FKBP15: variants seen among roughly 807,000 people sequenced by gnomAD.
The protein encoded by FKBP15 is FK506-binding protein 15.
Under a neutral mutation model 158.1 loss-of-function variants are expected in FKBP15, and 106 were observed. The observed-to-expected ratio is 0.67, with a 90% CI of 0.57 to 0.79. The LOEUF is 0.79. FKBP15 is among the 30% of genes least tolerant of loss of function. The pLI, the probability that FKBP15 is intolerant of heterozygous loss-of-function variation, is 0.00. For synonymous variants in FKBP15, 547 were observed against 548.6 expected (o/e 1.00, Z 0.04); for missense variants, 1,287 against 1,479.1 (o/e 0.87, Z 2.13).
At chr9:113,215,798 C>T (rs1052478202) in intron 1 of FKBP15, among the ~76,000 whole-genome samples, 5 of 150,906 alleles carry the variant, frequency 3.3e-5, no homozygotes, top group African/African-American at 9.8e-5. Context: ...TACAGGCGTG[C>T]ATCACCATGC....
chr9:113,213,796 A>C (rs1831065062), intron 1 of FKBP15, among the ~76,000 whole-genome samples: 1 of 152,170 alleles, frequency 6.6e-6, no homozygotes, highest in Admixed American at 6.5e-5. Context: ...AACTGTAAAA[A>C]ATAAATTCCT....
In FKBP15 at chr9:113,190,850, C is replaced by G. The variant is rs1330855288; in HGVS notation, c.1066-272G>C. The stretch of plus-strand genomic sequence containing the variant: ...ATTTCAATCAAGTCTCCCCAGCAGG[C>G]ATAATTAGTCTCATTTTACAGATGA... On this transcript the variant is annotated intron_variant, in intron 11 of 27. Coordinates refer to ENST00000238256, the MANE Select transcript of FKBP15 (RefSeq NM_015258.2). Among the ~76,000 whole-genome samples the G allele has an allele frequency of 2.6e-5, 4 of 152,306 alleles. No individual in the cohort carries two copies. In the South Asian group the frequency reaches 8.3e-4, roughly 32 times the overall value.
Position 113,171,711 on chromosome 9 carries a change from A to G in FKBP15, c.2533-5T>C. 6.4e-7 allele frequency: 1 copy of G among 1,572,010 alleles called. No homozygotes were observed. The highest frequency in any genetic ancestry group is 1.2e-5 in the South Asian group (1 of 85,536). On this transcript the variant is annotated splice_polypyrimidine_tract_variant and splice_region_variant and intron_variant, in intron 23 of 27. Coordinates refer to ENST00000238256, the MANE Select transcript of FKBP15 (RefSeq NM_015258.2). ...TTGGGCCTGGAGGGCTAAACACTGCAAAACAAACAGACTGTGGCTGTGGCC... is the reference window on the plus strand; with the variant it reads ...TTGGGCCTGGAGGGCTAAACACTGCGAAACAAACAGACTGTGGCTGTGGCC...
At chr9:113,181,829 G>A (rs1014838417) in intron 19 of FKBP15, among the ~76,000 whole-genome samples, 3 of 152,212 alleles carry the variant, frequency 2.0e-5, no homozygotes, top group Admixed American at 6.5e-5. Context: ...TGGGTGGGGA[G>A]TGGTGAAGTG....
Position 113,194,175 on chromosome 9 carries a change from G to A in FKBP15, c.865-6C>T, listed in dbSNP as rs1176701878. 25 of 1,597,752 alleles carry A rather than the reference G, an allele frequency of 1.6e-5. No homozygotes were observed. The highest frequency in any genetic ancestry group is 3.5e-5 in the Admixed American group (2 of 57,490). On this transcript the variant is annotated splice_polypyrimidine_tract_variant and splice_region_variant and intron_variant, in intron 9 of 27. Coordinates refer to ENST00000238256, the MANE Select transcript of FKBP15 (RefSeq NM_015258.2). ...GAATCTCTGGCAAACTTCACCTAAGGAAACACCGCATATTCTCACTCATAG... is the reference window on the plus strand; with the variant it reads ...GAATCTCTGGCAAACTTCACCTAAGAAAACACCGCATATTCTCACTCATAG...
chr9:113,213,919 G>A (rs1831067966), intron 1 of FKBP15, among the ~76,000 whole-genome samples: 1 of 152,126 alleles, frequency 6.6e-6, no homozygotes, highest in East Asian at 1.9e-4. Flanking sequence ...TCTCAGGCTT[G>A]CTGTGTTAAC....
chr9:113,213,269 C>T lies in FKBP15; in HGVS notation c.54-1677G>A, dbSNP rs183723694. Among the ~76,000 whole-genome samples, 690 of 152,124 alleles carry T rather than the reference C, an allele frequency of 4.5e-3. 7 individuals are homozygous for T. Among genetic ancestry groups the T allele is most frequent in the Non-Finnish European group, 7.2e-3 (487 of 67,972 alleles). Reference sequence around the variant, plus strand: ...ACTAAAAGTACAAAAATTAGCCGGGCGTGGTGGCACGCACCTGTAATCCCA... The same window carrying T: ...ACTAAAAGTACAAAAATTAGCCGGGTGTGGTGGCACGCACCTGTAATCCCA... On this transcript the variant is annotated intron_variant, in intron 1 of 27. Transcript: ENST00000238256.
rs191032873 is a variant in FKBP15, at chr9:113,197,308, G to C, written c.718-230C>G. Among the ~76,000 whole-genome samples the C allele has an allele frequency of 1.9e-3, 285 of 152,220 alleles. 1 individual carries two copies. The highest frequency in any genetic ancestry group is 3.2e-3 in the Admixed American group (49 of 15,280). On this transcript the variant is annotated intron_variant, in intron 8 of 27. Transcript: ENST00000238256. ...GGTTGCATGAAATATACTTATCTTA[G>C]ATGATGAGAGAAAATGGGAGGAATA...
At chr9:113,205,409 G>T (rs570317084) in intron 4 of FKBP15, among the ~76,000 whole-genome samples, 1 of 152,160 alleles carries the variant, frequency 6.6e-6, no homozygotes, top group South Asian at 2.1e-4. Flanking sequence ...ATAAGCAAAT[G>T]AAAAGATACT....
chr9:113,187,663 G>A, intron 14 of FKBP15, 130 bp downstream of exon 14: 1 of 720,040 alleles, frequency 1.4e-6, no homozygotes, highest in Non-Finnish European at 2.4e-6. Flanking sequence ...GGTAACCAAG[G>A]AAGGGAAAAA....
intron 20 of FKBP15, among the ~76,000 whole-genome samples, chr9:113,178,230 C>G (rs1328511756): frequency 6.6e-6 from 1 of 152,084 alleles, no homozygotes; most frequent in African/African-American, 2.4e-5. Context: ...CAGGATGGGC[C>G]TTGAGTGTGA....
intron 11 of FKBP15, among the ~76,000 whole-genome samples, chr9:113,191,956 T>C (rs911235486): frequency 8.8e-5 from 13 of 147,296 alleles, no homozygotes; most frequent in Admixed American, 8.2e-4. Flanking sequence ...AAAACTAAAA[T>C]GGAAAAGAAA....
intron 19 of FKBP15, among the ~76,000 whole-genome samples, chr9:113,180,400 A>ATG (rs61018100): frequency 0.023 from 3,483 of 150,042 alleles, 42 homozygotes; most frequent in African/African-American, 0.032. Flanking sequence ...TCAGAAAAAA[A>ATG]TGTGTGTGTG....
chr9:113,184,488 GT>G lies in FKBP15; in HGVS notation c.1609-90del. The G allele has an allele frequency of 9.3e-7, 1 of 1,077,074 alleles. No homozygotes were observed. Among genetic ancestry groups the G allele is most frequent in the Non-Finnish European group, 1.4e-6 (1 of 720,628 alleles). The allele number at this position is 1,077,074 out of a possible 1,614,324, so 66.7% of individuals were successfully genotyped here. A position where few individuals can be genotyped will look rare whatever the true frequency, so the allele number is the denominator to read the frequency against. ...AAGATTTGACCCTGTTGTTAAGGGG[GT>G]TAATGAGTTCCTGGGACAATCTCTA... On this transcript the variant is annotated intron_variant, in intron 16 of 27. Coordinates refer to ENST00000238256, the MANE Select transcript of FKBP15 (RefSeq NM_015258.2). The surrounding 1 kb of genome is among the most constrained non-coding windows in gnomAD (Gnocchi z 4.5).
chr9:113,201,552 T>C (rs1481116486), intron 6 of FKBP15, among the ~76,000 whole-genome samples: 2 of 152,172 alleles, frequency 1.3e-5, no homozygotes, highest in Non-Finnish European at 2.9e-5. Context: ...GGAGCCCTCA[T>C]GAATGGGATT....
chr9:113,172,846 A>G (rs1454430175), intron 23 of FKBP15, among the ~76,000 whole-genome samples: 2 of 152,202 alleles, frequency 1.3e-5, no homozygotes, highest in African/African-American at 4.8e-5. Flanking sequence ...GACCTCGAAT[A>G]TGGACTTTCA....
chr9:113,183,128 G>A (rs1050183352), intron 18 of FKBP15, among the ~76,000 whole-genome samples: 1 of 152,138 alleles, frequency 6.6e-6, no homozygotes, highest in African/African-American at 2.4e-5. Flanking sequence ...ATGGGAATGA[G>A]TAGGAAAGAG....
chr9:113,203,770 G>A (rs562973629), intron 4 of FKBP15, among the ~76,000 whole-genome samples: 11 of 151,990 alleles, frequency 7.2e-5, no homozygotes, highest in South Asian at 2.1e-4. Context: ...CAGGTGATCC[G>A]CCCACCTTGG....
At position 113,168,456 on chromosome 9, in the gene FKBP15, T is replaced by C. The variant is rs1293561029; in HGVS notation, c.3582+4A>G. The stretch of plus-strand genomic sequence containing the variant: ...GGACTTGACAGTGCCTGGGATTTCC[T>C]TACCACCTCGTCTTCATCCTCCTCC... On this transcript the variant is annotated splice_donor_region_variant and intron_variant, in intron 27 of 27. Transcript: ENST00000238256. 1 of 1,613,698 alleles carries C rather than the reference T, an allele frequency of 6.2e-7. No individual in the cohort carries two copies. Among genetic ancestry groups the C allele is most frequent in the East Asian group, 2.2e-5 (1 of 44,886 alleles).
Sources: gnomAD v4.1 joint callset for allele counts (sites outside exome capture counted in the v4.1 genomes callset) on GRCh38, gnomAD v4.1.1 for gene constraint, Gnocchi (gnomAD v3.1) non-coding constraint, MANE v1.5 for transcripts, NCBI Gene and HGNC (gene_info 2026-07-23, HGNC 2026-07-21) for gene names.